EEF1B2: variants seen among roughly 807,000 people sequenced by gnomAD.
EEF1B2 encodes the protein elongation factor 1-beta.
In EEF1B2, 12 loss-of-function variants were observed where a neutral mutation model predicts 28.3. That is an observed-to-expected ratio of 0.42 (90% CI 0.27 to 0.69). The LOEUF is 0.69. EEF1B2 is among the 30% of genes least tolerant of loss of function. The pLI is 0.22. For synonymous variants in EEF1B2, 83 were observed against 99.9 expected (o/e 0.83, Z 1.01); for missense variants, 234 against 272.6 (o/e 0.86, Z 1.00).
At chr2:206,162,126 T>G in intron 4 of EEF1B2, 22 bp downstream of exon 4, 1 of 1,605,144 alleles carries the variant, frequency 6.2e-7, no homozygotes, top group Non-Finnish European at 8.5e-7. Context: ...GTTTTTAACT[T>G]CATTTCATGT....
At chr2:206,159,885 C>G, upstream of EEF1B2, 1 of 1,426,936 alleles carries the variant, frequency 7.0e-7, no homozygotes, top group Non-Finnish European at 9.5e-7. Context: ...ATTTTCCGGT[C>G]TCTTCGGGTC....
chr2:206,159,895 C>G lies in EEF1B2; in HGVS notation c.-85C>G. The G allele has an allele frequency of 6.7e-7, 1 of 1,492,714 alleles. No homozygotes were observed. The allele number at this position is 1,492,714 out of a possible 1,614,324, so 92.5% of individuals were successfully genotyped here. ...AAGGAATTTTCCGGTCTCTTCGGGT[C>G]CTTTTTCCTCTCTTCAGCGTGGGGC... On this transcript the variant is annotated 5_prime_UTR_variant, in exon 1 of 6. Transcript: ENST00000392222.
At chr2:206,161,619 A>G (rs894309044) in intron 3 of EEF1B2, 147 bp downstream of exon 3, 27 of 974,426 alleles carry the variant, frequency 2.8e-5, no homozygotes, top group Non-Finnish European at 3.6e-5. Context: ...TGTCTGTACT[A>G]AAAATACAAA....
upstream of EEF1B2, chr2:206,159,692 C>T (rs985670756): frequency 1.6e-5 from 5 of 308,356 alleles, no homozygotes; most frequent in African/African-American, 1.1e-4. Context: ...GAGGTACGAA[C>T]TTAAGACATG....
At chr2:206,162,466 A>C in intron 4 of EEF1B2, 23 bp from the exon 5 acceptor site, 1 of 1,611,360 alleles carries the variant, frequency 6.2e-7, no homozygotes, top group South Asian at 1.1e-5. Flanking sequence ...CATTATTTGA[A>C]TAATGCTGTT....
chr2:206,161,812 G>T, intron 3 of EEF1B2: 1 of 706,810 alleles, frequency 1.4e-6, no homozygotes, highest in East Asian at 2.7e-5. Flanking sequence ...TTGTATCAAT[G>T]TGGTTAAGCC....
chr2:206,162,738 T>C lies in EEF1B2; in HGVS notation c.533T>C (p.Val178Ala). 8 of 1,613,714 alleles carry C rather than the reference T, an allele frequency of 5.0e-6. No individual in the cohort carries two copies. Among genetic ancestry groups the C allele is most frequent in the Non-Finnish European group, 5.9e-6 (7 of 1,179,982 alleles). ...TTAATGCTCTTTTTAGCTAAACTAG[T>C]TCCAGTGGGATACGGAATTAAGAAA... ...DGLVWGSSKL[V>A]PVGYGIKKLQ... The change falls in exon 6 of 6, where the codon GTT becomes GCT. Residue 178 changes from valine (V) to alanine (A), a missense_variant. Physicochemically the swap from Val to Ala is moderately conservative, Grantham distance 64 (BLOSUM62 0). This residue lies in a region of EEF1B2 where 56 missense variants were observed against 99.3 expected (regional missense o/e 0.56). Coordinates refer to ENST00000392222, the MANE Select transcript of EEF1B2 (RefSeq NM_001959.4).
At chr2:206,162,687 C>G in intron 5 of EEF1B2, 42 bp from the exon 6 acceptor site, 4 of 1,610,272 alleles carry the variant, frequency 2.5e-6, no homozygotes, top group Non-Finnish European at 2.5e-6. Flanking sequence ...ACCTTTCCTA[C>G]AAGACTTTTC....
chr2:206,160,681 C>T lies in EEF1B2; in HGVS notation c.174C>T (p.His58=), dbSNP rs1687897069. Residue 58 remains histidine, a synonymous_variant, in exon 2 of 6, where the codon CAC becomes CAT. Coordinates refer to ENST00000392222, the MANE Select transcript of EEF1B2 (RefSeq NM_001959.4). ...DLCHALRWYN[H]IKSYEKEKAS... The stretch of plus-strand genomic sequence containing the variant: ...GTCATGCCCTACGTTGGTATAATCA[C>T]ATCAAGTCTTACGAAAAGGAAAAGG... 3.1e-6 allele frequency: 5 copies of T among 1,614,110 alleles called. No individual in the cohort carries two copies. The highest frequency in any genetic ancestry group is 1.3e-5 in the African/African-American group (1 of 75,034).
At chr2:206,160,844 A>G (rs1271883591) in intron 2 of EEF1B2, 134 bp downstream of exon 2, 2 of 1,355,744 alleles carry the variant, frequency 1.5e-6, no homozygotes, top group Non-Finnish European at 2.1e-6. Flanking sequence ...CTGTAACCTT[A>G]GAAGGCCAAG....
In EEF1B2 at chr2:206,162,045, A is replaced by G. The variant is rs1397804147; in HGVS notation, c.338A>G (p.Glu113Gly). 3 of 1,613,960 alleles carry G rather than the reference A, an allele frequency of 1.9e-6. No homozygotes were observed. Among genetic ancestry groups the G allele is most frequent in the Non-Finnish European group, 2.5e-6 (3 of 1,179,966 alleles). Reference protein sequence around the residue: ...LFGSDDEEESEEAKRLREERL... With the variant: ...LFGSDDEEESGEAKRLREERL... ...AATTTTTTTTCTTTACAGGAAAGTG[A>G]AGAAGCAAAGAGGCTAAGGGAAGAA... The change falls in exon 4 of 6, where the codon GAA (glutamate) becomes GGA (glycine). Residue 113 changes from glutamate (E) to glycine (G), a missense_variant. Glu to Gly is a moderately conservative substitution (Grantham distance 98). This residue lies in a region of EEF1B2 where 178 missense variants were observed against 173.3 expected (regional missense o/e 1.03). Coordinates refer to ENST00000392222, the MANE Select transcript of EEF1B2 (RefSeq NM_001959.4).
chr2:206,160,951 G>T, intron 2 of EEF1B2: 1 of 725,196 alleles, frequency 1.4e-6, no homozygotes, highest in Non-Finnish European at 2.4e-6. Flanking sequence ...CCTCGACCTT[G>T]ACCTGGGGGG....
chr2:206,159,713 T>C (rs1687839935), upstream of EEF1B2: 1 of 356,642 alleles, frequency 2.8e-6, no homozygotes, highest in Non-Finnish European at 5.1e-6. Flanking sequence ...CCTATTTTAT[T>C]AATTTACTTC....
chr2:206,161,336 GTT>G lies in EEF1B2; in HGVS notation c.204-6_204-5del. ...AGCTCAATAGTGGTTGAATTTAAAT[GTT>G]TTTCAAGCCTGCCAGGAGTGAAGAA... is the stretch of plus-strand genomic sequence containing the variant. On this transcript the variant is annotated splice_polypyrimidine_tract_variant and splice_region_variant and intron_variant, in intron 2 of 5. Coordinates refer to ENST00000392222, the MANE Select transcript of EEF1B2 (RefSeq NM_001959.4). 1.2e-6 allele frequency: 2 copies of G among 1,613,432 alleles called. No individual in the cohort carries two copies. Among genetic ancestry groups the G allele is most frequent in the Non-Finnish European group, 1.7e-6 (2 of 1,179,886 alleles).
chr2:206,159,869 TA>T, upstream of EEF1B2: 1 of 1,272,090 alleles, frequency 7.9e-7, no homozygotes, highest in African/African-American at 1.5e-5. Flanking sequence ...CGTCTCTATA[TA>T]AGGAATTTTC....
intron 3 of EEF1B2, 88 bp downstream of exon 3, chr2:206,161,560 A>T (rs1015246100): frequency 1.3e-6 from 2 of 1,561,384 alleles, no homozygotes; most frequent in Non-Finnish European, 1.7e-6. Flanking sequence ...AGGCGGGTGG[A>T]TCACGAGGTC....
chr2:206,162,715 A>AATGCTCTT lies in EEF1B2; in HGVS notation c.524-13_524-6dup. 6.2e-7 allele frequency: 1 copy of AATGCTCTT among 1,613,148 alleles called. No homozygotes were observed. Among genetic ancestry groups the AATGCTCTT allele is most frequent in the Non-Finnish European group, 8.5e-7 (1 of 1,179,862 alleles). On this transcript the variant is annotated splice_polypyrimidine_tract_variant and intron_variant, in intron 5 of 5. Transcript: ENST00000392222. Reference sequence around the variant, plus strand: ...GACTTTTCTAACTAGGATTTTTCTTAATGCTCTTTTTAGCTAAACTAGTTC... The same window carrying AATGCTCTT: ...GACTTTTCTAACTAGGATTTTTCTTAATGCTCTTATGCTCTTTTTAGCTAAACTAGTTC...
chr2:206,160,105 CG>C (rs766579299), intron 1 of EEF1B2, 46 bp downstream of exon 1: 3 of 1,589,022 alleles, frequency 1.9e-6, no homozygotes, highest in South Asian at 2.2e-5. Flanking sequence ...TTTCTCCGCC[CG>C]GGGCCGGGGC....
At position 206,162,896 on chromosome 2, in the gene EEF1B2, A is replaced by G. The variant is rs759281159; in HGVS notation, c.*13A>G. 1.3e-6 allele frequency: 2 copies of G among 1,589,700 alleles called. No individual in the cohort carries two copies. Among genetic ancestry groups the G allele is most frequent in the South Asian group, 2.2e-5 (2 of 88,942 alleles). On this transcript the variant is annotated 3_prime_UTR_variant, in exon 6 of 6. Coordinates refer to ENST00000392222, the MANE Select transcript of EEF1B2 (RefSeq NM_001959.4). ...CAACAAGATCTAAAATCCATCCTGG[A>G]TCATGGCATTTAAATAAAAGATTGA...
Sources: gnomAD v4.1 joint callset for allele counts on GRCh38, gnomAD v4.1.1 for gene constraint, gnomAD v4.1.1 regional missense constraint, MANE v1.5 for transcripts, NCBI Gene and HGNC (gene_info 2026-07-23, HGNC 2026-07-21) for gene names.